Variants in ENO1 observed in about 807,000 individuals in gnomAD.
ENO1 encodes alpha-enolase.
A neutral mutation model predicts 46.3 loss-of-function variants in ENO1; 33 were observed. The ratio of observed to expected loss-of-function variants is 0.71; its 90% CI spans 0.54 to 0.95. The LOEUF is 0.95. ENO1 is among the 40% of genes least tolerant of loss of function. The pLI, the probability that ENO1 is intolerant of heterozygous loss-of-function variation, is 0.00. For synonymous variants in ENO1, 220 were observed against 216.0 expected, an observed-to-expected ratio of 1.02 and a Z score of -0.16; for missense variants, 488 against 553.3, an observed-to-expected ratio of 0.88 and a Z score of 1.18.
intron 2 of ENO1, 72 bp downstream of exon 2, chr1:8,874,752 C>A: frequency 1.4e-6 from 2 of 1,379,354 alleles, no homozygotes; most frequent in Non-Finnish European, 2.0e-6. Context: ...CCTAAGGCTC[C>A]AGCATTTGTA....
intron 2 of ENO1, among the ~76,000 whole-genome samples, chr1:8,874,298 C>T (rs1197797507): frequency 1.3e-5 from 2 of 152,072 alleles, no homozygotes; most frequent in Non-Finnish European, 2.9e-5. Context: ...CAGGATCAGG[C>T]GGGGTGGCTC....
chr1:8,861,353 C>T lies in ENO1; in HGVS notation c.*7G>A, dbSNP rs374794608. 9.3e-6 allele frequency: 15 copies of T among 1,613,632 alleles called. No individual in the cohort carries two copies. The highest frequency in any genetic ancestry group is 1.3e-5 in the Non-Finnish European group (15 of 1,179,990). ...ACAGGTGACCGAAGGGCTTGCCTGC[C>T]CACAGCTTACTTGGCCAAGGGGTTT... On this transcript the variant is annotated 3_prime_UTR_variant, in exon 12 of 12. Transcript: ENST00000234590.
intron 3 of ENO1, 197 bp from the exon 4 acceptor site, chr1:8,870,707 C>A: frequency 6.9e-7 from 1 of 1,448,522 alleles, no homozygotes; most frequent in Non-Finnish European, 9.1e-7. Flanking sequence ...CCTAGGACCC[C>A]AGAGGGTTAG....
At chr1:8,870,351 A>C (rs1642604001) in intron 4 of ENO1, 101 bp downstream of exon 4, 1 of 1,460,780 alleles carries the variant, frequency 6.8e-7, no homozygotes, top group African/African-American at 1.4e-5. Flanking sequence ...ATAGGCTTCT[A>C]CAGCTCTCAG....
At chr1:8,869,511 CAAG>C (rs897621187) in intron 4 of ENO1, among the ~76,000 whole-genome samples, 1 of 152,162 alleles carries the variant, frequency 6.6e-6, no homozygotes, top group African/African-American at 2.4e-5. Context: ...GGACTAGATT[CAAG>C]AATAGACGGA....
chr1:8,870,279 G>A, intron 4 of ENO1, 173 bp downstream of exon 4: 1 of 733,300 alleles, frequency 1.4e-6, no homozygotes, highest in Non-Finnish European at 2.2e-6. Context: ...AGTGGGGTGA[G>A]GCAGCGGGCA....
chr1:8,866,293 AG>A lies in ENO1; in HGVS notation c.652del (p.Leu218TrpfsTer10). 6.2e-7 allele frequency: 1 copy of A among 1,614,022 alleles called. No homozygotes were observed. Among genetic ancestry groups the A allele is most frequent in the Non-Finnish European group, 8.5e-7 (1 of 1,180,004 alleles). ...GDEGGFAPNI[L>X]ENKEGLELLK... ...AGCGCCTTTACCTTCTTTATTCTCC[AG>A]GATGTTGGGAGCAAACCCGCCTTCA... On this transcript the variant is annotated frameshift_variant, in exon 7 of 12. Coordinates refer to ENST00000234590, the MANE Select transcript of ENO1 (RefSeq NM_001428.5). LOFTEE classifies it high-confidence loss of function.
intron 4 of ENO1, among the ~76,000 whole-genome samples, chr1:8,869,417 GGCCTAAACCAAC>G: frequency 8.2e-6 from 1 of 121,384 alleles, no homozygotes; most frequent in South Asian, 2.5e-4. Flanking sequence ...ACAAAAGCCA[GGCCTAAACCAAC>G]GAGTCAGGGA....
Position 8,867,183 on chromosome 1 carries a change from C to CT in ENO1, c.377dup (p.Val128GlyfsTer9). On this transcript the variant is annotated frameshift_variant, in exon 6 of 12. Coordinates refer to ENST00000234590, the MANE Select transcript of ENO1 (RefSeq NM_001428.5). LOFTEE classifies it high-confidence loss of function. The stretch of plus-strand genomic sequence containing the variant: ...CGATGTGGCGGTACAGGGGGACCCC[C>CT]TTCTCAACGGCACCAGCTTTGCAGA... 1.2e-6 allele frequency: 2 copies of CT among 1,614,202 alleles called. No individual in the cohort carries two copies. The highest frequency in any genetic ancestry group is 2.2e-5 in the East Asian group (1 of 44,888).
Position 8,865,464 on chromosome 1 carries a change from G to A in ENO1, c.686C>T (p.Thr229Ile), listed in dbSNP as rs766081275. Reference protein sequence around the residue: ...ENKEGLELLKTAIGKAGYTDK... With the variant: ...ENKEGLELLKIAIGKAGYTDK... ...AGTGTAGCCAGCTTTCCCAATAGCA[G>A]TCTTCAGCAGCTCCAGGCCTGGGAA... Residue 229 changes from threonine (T) to isoleucine (I), a missense_variant, in exon 8 of 12, where the codon ACT (threonine) becomes ATT (isoleucine). Thr to Ile is a moderately conservative substitution (Grantham distance 89). Transcript: ENST00000234590. 1 of 1,613,232 alleles carries A rather than the reference G, an allele frequency of 6.2e-7. No homozygotes were observed. Among genetic ancestry groups the A allele is most frequent in the Admixed American group, 1.7e-5 (1 of 60,020 alleles).
intron 2 of ENO1, among the ~76,000 whole-genome samples, chr1:8,872,300 C>T (rs1408921866): frequency 2.0e-5 from 3 of 152,148 alleles, no homozygotes; most frequent in African/African-American, 7.2e-5. Context: ...CTCACAAGCT[C>T]GCATTGGTGC....
intron 4 of ENO1, among the ~76,000 whole-genome samples, 174 bp from the exon 5 acceptor site, chr1:8,868,231 C>T (rs1642564195): frequency 6.6e-6 from 1 of 151,968 alleles, no homozygotes; most frequent in Non-Finnish European, 1.5e-5. Flanking sequence ...CAAAAAACTG[C>T]CTTCTGCTTG....
intron 1 of ENO1, among the ~76,000 whole-genome samples, chr1:8,875,309 A>G (rs1642713129): frequency 1.5e-5 from 2 of 135,778 alleles, no homozygotes. Context: ...AGAAAAAAGA[A>G]AAAAAAAAAA....
intron 4 of ENO1, among the ~76,000 whole-genome samples, chr1:8,868,748 C>T (rs957988036): frequency 6.6e-6 from 1 of 152,194 alleles, no homozygotes; most frequent in Non-Finnish European, 1.5e-5. Context: ...TGCAGTGTCA[C>T]GATCTCAGCT....
chr1:8,872,386 A>AGT (rs1642651598), intron 2 of ENO1, among the ~76,000 whole-genome samples: 2 of 40,162 alleles, frequency 5.0e-5, no homozygotes, highest in South Asian at 5.0e-4. Context: ...ACGTTCTGGT[A>AGT]CTTTTTTTTT....
At chr1:8,865,747 AG>A (rs1186290635) in intron 7 of ENO1, among the ~76,000 whole-genome samples, 2 of 152,250 alleles carry the variant, frequency 1.3e-5, no homozygotes, top group African/African-American at 2.4e-5. Context: ...TTTAGTGCCC[AG>A]GAACAGCTGT....
chr1:8,863,079 G>A (rs1465910188), intron 10 of ENO1, 134 bp from the exon 11 acceptor site: 1 of 1,351,542 alleles, frequency 7.4e-7, no homozygotes, highest in African/African-American at 1.4e-5. Flanking sequence ...CAACATACAG[G>A]CAGGGCGCTC....
Position 8,878,176 on chromosome 1 carries a change from C to T in ENO1, c.-10+404G>A, listed in dbSNP as rs1642776646. 2.3e-5 allele frequency: 4 copies of T among 170,974 alleles called. No individual in the cohort carries two copies. The South Asian group carries it at 3.5e-4, about 15-fold the overall frequency. The allele number at this position is 170,974 out of a possible 1,614,324, so 10.6% of individuals were successfully genotyped here. On this transcript the variant is annotated intron_variant, in intron 1 of 11. Transcript: ENST00000234590. ...TTTAGGAAGGGCCTGGCCTGAGTGG[C>T]CACCGCCGCTAAGTCTGCGTCTATC...
chr1:8,878,574 CAT>C lies in ENO1; in HGVS notation c.-10+4_-10+5del, dbSNP rs1339065092. On this transcript the variant is annotated splice_donor_5th_base_variant and intron_variant, in intron 1 of 11. Transcript: ENST00000234590. ...GCCCGTTGCTCAGCCCTTCCCCAAT[CAT>C]TACCTAGCCACTGGGTCTCGTCGCC... 2.2e-6 allele frequency: 1 copy of C among 455,900 alleles called. No individual in the cohort carries two copies. Among genetic ancestry groups the C allele is most frequent in the Admixed American group, 2.3e-5 (1 of 42,564 alleles). The allele number at this position is 455,900 out of a possible 1,614,324, so 28.2% of individuals were successfully genotyped here.
Sources: gnomAD v4.1 joint callset for allele counts (sites outside exome capture counted in the v4.1 genomes callset) on GRCh38, gnomAD v4.1.1 for gene constraint, MANE v1.5 for transcripts, NCBI Gene and HGNC (gene_info 2026-07-23, HGNC 2026-07-21) for gene names.